Variants in NXPE2 observed in about 807,000 individuals in gnomAD.
The protein encoded by NXPE2 is neurexophilin and PC-esterase domain family member 2.
In NXPE2, 34 loss-of-function variants were observed where a neutral mutation model predicts 34.4. The observed-to-expected ratio is 0.99, with a 90% CI of 0.75 to 1.31. The LOEUF is 1.31. NXPE2 is among the 40% of genes most tolerant of loss of function. The probability of loss-of-function intolerance (pLI) is 0.00; values close to 1 mark genes in which losing one functional copy is unlikely to be tolerated. For missense variants in NXPE2, 649 were observed against 672.5 expected, an observed-to-expected ratio of 0.97 and a Z score of 0.39; for synonymous variants, 235 against 231.3, an observed-to-expected ratio of 1.02 and a Z score of -0.15.
upstream of NXPE2, among the ~76,000 whole-genome samples, chr11:114,677,593 C>T (rs531567469): frequency 6.6e-6 from 1 of 152,104 alleles, no homozygotes; most frequent in East Asian, 1.9e-4. Context: ...CTGTGCCAAT[C>T]TCCAATATGC....
the NXPE2 span, among the ~76,000 whole-genome samples, chr11:114,667,709 A>C: frequency 5.9e-5 from 9 of 152,222 alleles, no homozygotes; most frequent in Non-Finnish European, 1.2e-4. Context: ...CAGACAGCAA[A>C]GAACTGAGGC....
the NXPE2 span, among the ~76,000 whole-genome samples, chr11:114,609,838 T>G: frequency 6.6e-6 from 1 of 151,828 alleles, no homozygotes; most frequent in South Asian, 2.1e-4. Flanking sequence ...GGTAACCCGA[T>G]GGATAATAAC....
chr11:114,803,143 T>C, the NXPE2 span, among the ~76,000 whole-genome samples: 1 of 152,242 alleles, frequency 6.6e-6, no homozygotes, highest in Non-Finnish European at 1.5e-5. Context: ...TTGTCAATTG[T>C]TCTGTACACT....
intron 2 of NXPE2, among the ~76,000 whole-genome samples, chr11:114,686,267 C>T (rs1347627833): frequency 6.6e-6 from 1 of 152,030 alleles, no homozygotes; most frequent in Admixed American, 6.6e-5. Flanking sequence ...TCCTTGCCAT[C>T]CTCCCTCCCT....
the NXPE2 span, among the ~76,000 whole-genome samples, chr11:114,603,805 T>A: frequency 6.6e-6 from 1 of 151,886 alleles, no homozygotes; most frequent in Non-Finnish European, 1.5e-5. Flanking sequence ...AAGTATTGCC[T>A]CGTCTCCTAG....
chr11:114,625,894 T>C, the NXPE2 span, among the ~76,000 whole-genome samples: 2 of 152,104 alleles, frequency 1.3e-5, no homozygotes, highest in Admixed American at 6.6e-5. Context: ...TTCCCTTTCC[T>C]AGTCAAAGAA....
the NXPE2 span, among the ~76,000 whole-genome samples, chr11:114,643,286 T>C: frequency 6.6e-6 from 1 of 152,158 alleles, no homozygotes. Context: ...CAATTTTGAC[T>C]TTTGTTGCCA....
the NXPE2 span, among the ~76,000 whole-genome samples, chr11:114,634,391 G>A: frequency 2.6e-5 from 4 of 151,872 alleles, no homozygotes; most frequent in East Asian, 1.9e-4. Context: ...AGGTTGTGAA[G>A]ATTTTCTCCC....
the NXPE2 span, among the ~76,000 whole-genome samples, chr11:114,598,069 G>A: frequency 6.6e-6 from 1 of 152,098 alleles, no homozygotes; most frequent in Non-Finnish European, 1.5e-5. Flanking sequence ...TGGGACTATA[G>A]GCATTGGGTA....
At chr11:114,808,945 T>G in the NXPE2 span, among the ~76,000 whole-genome samples, 3 of 152,088 alleles carry the variant, frequency 2.0e-5, no homozygotes, top group Admixed American at 6.6e-5. Context: ...AAATCCTCAG[T>G]AAAACACCGG....
At chr11:114,632,972 T>C in the NXPE2 span, among the ~76,000 whole-genome samples, 1,168 of 103,688 alleles carry the variant, frequency 0.011, 22 homozygotes, top group African/African-American at 0.045. Context: ...TTATATATTA[T>C]ATATTATATA....
chr11:114,614,463 G>C, the NXPE2 span, among the ~76,000 whole-genome samples: 2 of 151,858 alleles, frequency 1.3e-5, no homozygotes, highest in Non-Finnish European at 2.9e-5. Context: ...TTACCCGCTG[G>C]ATGACAAGTG....
chr11:114,773,279 A>ACCCCCCCCCCTCCCCC, the NXPE2 span, among the ~76,000 whole-genome samples: 1 of 69,362 alleles, frequency 1.4e-5, no homozygotes, highest in Non-Finnish European at 2.8e-5. Context: ...ACCCACTCCC[A>ACCCCCCCCCCTCCCCC]CCCCCCCCCC....
chr11:114,632,041 A>C, the NXPE2 span, among the ~76,000 whole-genome samples: 1 of 145,392 alleles, frequency 6.9e-6, no homozygotes, highest in Non-Finnish European at 1.5e-5. Context: ...TATATATAAT[A>C]TATAATTTAA....
At chr11:114,612,422 A>G in the NXPE2 span, among the ~76,000 whole-genome samples, 1 of 151,858 alleles carries the variant, frequency 6.6e-6, no homozygotes, top group Non-Finnish European at 1.5e-5. Flanking sequence ...GTGGATAATA[A>G]GTGTTGCCTC....
At chr11:114,741,183 G>A in the NXPE2 span, among the ~76,000 whole-genome samples, 1 of 152,084 alleles carries the variant, frequency 6.6e-6, no homozygotes, top group African/African-American at 2.4e-5. Flanking sequence ...TCCTGCTGAT[G>A]TATCTGCTGA....
At chr11:114,765,613 A>G in the NXPE2 span, among the ~76,000 whole-genome samples, 1 of 152,146 alleles carries the variant, frequency 6.6e-6, no homozygotes, top group Non-Finnish European at 1.5e-5. Flanking sequence ...ACCTACAACC[A>G]TTTTAGCTCT....
the NXPE2 span, among the ~76,000 whole-genome samples, chr11:114,663,594 T>TATCC: frequency 3.2e-5 from 3 of 94,960 alleles, no homozygotes; most frequent in African/African-American, 1.1e-4. Context: ...ATCATCTATC[T>TATCC]ATCTATCTAT....
At chr11:114,528,773 A>G in the NXPE2 span, 1 of 640,180 alleles carries the variant, frequency 1.6e-6, no homozygotes, top group East Asian at 2.8e-5. Context: ...CCAGGTGCCA[A>G]GTATAACAGA....
Sources: allele counts gnomAD v4.1 joint callset (sites outside exome capture counted in the v4.1 genomes callset), GRCh38; gene constraint gnomAD v4.1.1; transcripts MANE v1.5; gene names NCBI Gene and HGNC (gene_info 2026-07-23, HGNC 2026-07-21).